The following ELMO1 variants were observed in gnomAD, a reference collection of about 807,000 sequenced individuals.
ELMO1 encodes engulfment and cell motility protein 1.
In ELMO1, 26 loss-of-function variants were observed where a neutral mutation model predicts 98.9. The ratio of observed to expected loss-of-function variants is 0.26; its 90% CI spans 0.19 to 0.36. The LOEUF is 0.36. Ranked by LOEUF, ELMO1 falls within the 10% of genes least tolerant of loss-of-function variation. The pLI is 1.00. For synonymous variants in ELMO1, 346 were observed against 346.0 expected (o/e 1.00, Z 0.00); for missense variants, 627 against 935.2 (o/e 0.67, Z 4.30).
intron 16 of ELMO1, among the ~76,000 whole-genome samples, chr7:36,898,862 C>T (rs1806257572): frequency 6.6e-6 from 1 of 152,226 alleles, no homozygotes. Flanking sequence ...AAGACACATA[C>T]TTGCCTCACC....
At chr7:37,217,741 T>G (rs1457666045) in intron 10 of ELMO1, 1 of 457,036 alleles carries the variant, frequency 2.2e-6, no homozygotes, top group Non-Finnish European at 4.4e-6. Flanking sequence ...ATGTCAACAT[T>G]GCTCTCTACA....
At position 37,183,194 on chromosome 7, in the gene ELMO1, AGAAGGAGAAGGAG is replaced by A. The variant is rs1790990727; in HGVS notation, c.1086+28179_1086+28191del. On this transcript the variant is annotated intron_variant, in intron 13 of 21. Transcript: ENST00000310758. ...GCTGAAGAGGAGGACGATCTGGCAC[AGAAGGAGAAGGAG>A]GAAGGAGGAGGAAGAACAGGTCTAT... Among the ~76,000 whole-genome samples the A allele has an allele frequency of 3.3e-5, 5 of 150,934 alleles. No individual in the cohort carries two copies. In the South Asian group the frequency reaches 6.2e-4, roughly 19 times the overall value.
rs1174979986 is a variant in ELMO1 at position 37,096,695 on chromosome 7, C to T, written c.1224G>A (p.Lys408=). 1 of 1,614,030 alleles carries T rather than the reference C, an allele frequency of 6.2e-7. No homozygotes were observed. Among genetic ancestry groups the T allele is most frequent in the Non-Finnish European group, 8.5e-7 (1 of 1,180,006 alleles). The part of the protein sequence containing the change: ...IVLENSSRED[K]HECPFGRSSI... ...TACTGCGGCCAAAGGGACATTCATGCTTGTCTTCTCGACTACTGTTCTCAA... is the reference window on the plus strand; with the variant it reads ...TACTGCGGCCAAAGGGACATTCATGTTTGTCTTCTCGACTACTGTTCTCAA... The change falls in exon 15 of 22, where the codon AAG becomes AAA. Residue 408 remains lysine, a synonymous_variant. Coordinates refer to ENST00000310758, the MANE Select transcript of ELMO1 (RefSeq NM_014800.11).
At chr7:37,423,640 T>C (rs556564335) in intron 1 of ELMO1, among the ~76,000 whole-genome samples, 5 of 152,134 alleles carry the variant, frequency 3.3e-5, no homozygotes, top group Non-Finnish European at 7.4e-5. Context: ...TGTATTTCAT[T>C]TTTGAAACAT....
chr7:37,273,895 T>C (rs1390702690), intron 4 of ELMO1, among the ~76,000 whole-genome samples: 1 of 152,186 alleles, frequency 6.6e-6, no homozygotes, highest in African/African-American at 2.4e-5. Flanking sequence ...TTTTGGACAA[T>C]GAATTTTCTA....
intron 16 of ELMO1, among the ~76,000 whole-genome samples, chr7:36,912,440 C>T (rs993510112): frequency 2.0e-5 from 3 of 152,152 alleles, no homozygotes; most frequent in East Asian, 1.9e-4. Context: ...TGAGTACTGA[C>T]GGAGACTGTG....
intron 4 of ELMO1, among the ~76,000 whole-genome samples, chr7:37,304,898 T>C (rs1798530434): frequency 6.6e-6 from 1 of 152,188 alleles, no homozygotes. Context: ...TTGCATTCAG[T>C]TGTTCCTCGG....
intron 16 of ELMO1, among the ~76,000 whole-genome samples, chr7:36,930,745 T>C (rs1157416757): frequency 6.6e-6 from 1 of 152,242 alleles, no homozygotes; most frequent in African/African-American, 2.4e-5. Context: ...TGAGAAAGTC[T>C]ATCATTCCAA....
At chr7:37,234,637 C>A (rs1187772455) in intron 7 of ELMO1, among the ~76,000 whole-genome samples, 3 of 152,150 alleles carry the variant, frequency 2.0e-5, no homozygotes, top group Non-Finnish European at 4.4e-5. Context: ...GCAAGTTATG[C>A]ACCATCCTAT....
At chr7:37,290,951 G>A (rs1030360858) in intron 4 of ELMO1, among the ~76,000 whole-genome samples, 1 of 152,018 alleles carries the variant, frequency 6.6e-6, no homozygotes, top group African/African-American at 2.4e-5. Context: ...AGAGAAAGAG[G>A]AAGAAAAAGG....
intron 15 of ELMO1, among the ~76,000 whole-genome samples, chr7:37,026,785 T>C (rs1332540627): frequency 6.6e-6 from 1 of 152,186 alleles, no homozygotes; most frequent in African/African-American, 2.4e-5. Context: ...TATGCTTCCA[T>C]AGGTCTTTCA....
At chr7:37,374,836 G>A (rs1027381684) in intron 1 of ELMO1, among the ~76,000 whole-genome samples, 5 of 152,150 alleles carry the variant, frequency 3.3e-5, no homozygotes, top group African/African-American at 9.7e-5. Flanking sequence ...GCTGAGGTGG[G>A]TGGATCATGA....
intron 1 of ELMO1, among the ~76,000 whole-genome samples, chr7:37,433,029 G>A (rs1804994919): frequency 6.6e-6 from 1 of 152,156 alleles, no homozygotes; most frequent in African/African-American, 2.4e-5. Flanking sequence ...GGCAGTAACT[G>A]TTGCCTCCTA....
At chr7:36,944,414 C>G (rs892791908) in intron 16 of ELMO1, among the ~76,000 whole-genome samples, 3 of 152,270 alleles carry the variant, frequency 2.0e-5, no homozygotes, top group Admixed American at 1.3e-4. Context: ...AAGGAGTGCA[C>G]GATTCAAACT....
At chr7:37,259,800 TAAC>T (rs1210594515) in intron 5 of ELMO1, among the ~76,000 whole-genome samples, 1 of 152,220 alleles carries the variant, frequency 6.6e-6, no homozygotes, top group Non-Finnish European at 1.5e-5. Flanking sequence ...CTCTGAGTAA[TAAC>T]TGCCTACACA....
At chr7:37,360,479 T>C (rs1447356972) in intron 1 of ELMO1, among the ~76,000 whole-genome samples, 2 of 150,954 alleles carry the variant, frequency 1.3e-5, no homozygotes, top group Admixed American at 6.6e-5. Flanking sequence ...ATAAAGTTTT[T>C]CCAGGTAAAA....
intron 13 of ELMO1, among the ~76,000 whole-genome samples, chr7:37,203,416 G>T (rs958004210): frequency 6.6e-6 from 1 of 152,184 alleles, no homozygotes; most frequent in African/African-American, 2.4e-5. Flanking sequence ...ATATGAATAG[G>T]AAGGATACAA....
chr7:36,898,885 C>T (rs1052855306), intron 16 of ELMO1, among the ~76,000 whole-genome samples: 10 of 152,202 alleles, frequency 6.6e-5, no homozygotes, highest in Non-Finnish European at 1.2e-4. Context: ...AGGGAAGACG[C>T]GATGTCACAG....
At chr7:37,236,893 T>C (rs561213938) in intron 7 of ELMO1, among the ~76,000 whole-genome samples, 1 of 152,352 alleles carries the variant, frequency 6.6e-6, no homozygotes, top group East Asian at 1.9e-4. Flanking sequence ...AGAAGGCAAG[T>C]TCTACCTCTG....
Sources: gnomAD v4.1 joint callset for allele counts (sites outside exome capture counted in the v4.1 genomes callset) on GRCh38, gnomAD v4.1.1 for gene constraint, MANE v1.5 for transcripts, NCBI Gene and HGNC (gene_info 2026-07-23, HGNC 2026-07-21) for gene names.